The following BRI3 variants were observed in gnomAD, a reference collection of about 807,000 sequenced individuals.
BRI3 encodes brain protein I3, also known as membrane protein BRI3.
A neutral mutation model predicts 12.8 loss-of-function variants in BRI3; 6 were observed. The observed-to-expected ratio is 0.47, with a 90% CI of 0.26 to 0.93. The LOEUF (loss-of-function observed/expected upper bound fraction) is 0.93, where lower values mean the gene tolerates loss of function less well. Ranked by LOEUF, BRI3 falls within the 40% of genes least tolerant of loss-of-function variation. The pLI is 0.15. For missense variants in BRI3, 134 were observed against 171.1 expected (o/e 0.78, Z 1.21); for synonymous variants, 91 against 76.1 (o/e 1.20, Z -1.02).
At chr7:98,293,930 G>C, downstream of BRI3, 1 of 960,824 alleles carries the variant, frequency 1.0e-6, no homozygotes, top group Non-Finnish European at 1.6e-6. Flanking sequence ...AAAGCGAGCA[G>C]GGGGCTGCAC....
At chr7:98,306,676 A>G in intron 1 of BRI3, 1 of 1,011,650 alleles carries the variant, frequency 9.9e-7, no homozygotes, top group Non-Finnish European at 1.4e-6. Flanking sequence ...GTAAATATGG[A>G]CTTTCACATA....
At chr7:98,284,541 G>A (rs1330259278) in intron 2 of BRI3, among the ~76,000 whole-genome samples, 51 of 152,308 alleles carry the variant, frequency 3.3e-4, no homozygotes, top group Admixed American at 3.2e-3. Flanking sequence ...GCTGCCTGGC[G>A]TCTTGGCCCG....
upstream of BRI3, among the ~76,000 whole-genome samples, chr7:98,301,595 G>T (rs973160015): frequency 2.6e-5 from 4 of 152,028 alleles, no homozygotes; most frequent in African/African-American, 9.7e-5. Context: ...GGGATTACAG[G>T]CGTGAGCCAC....
At chr7:98,285,288 G>A (rs1334749363) in intron 2 of BRI3, among the ~76,000 whole-genome samples, 1 of 152,166 alleles carries the variant, frequency 6.6e-6, no homozygotes, top group Non-Finnish European at 1.5e-5. Flanking sequence ...TGGAGGGCAC[G>A]GGGTGGTGAC....
At chr7:98,293,307 A>G (rs1296708052), downstream of BRI3, 5 of 480,640 alleles carry the variant, frequency 1.0e-5, no homozygotes, top group Non-Finnish European at 1.9e-5. Flanking sequence ...TAAATGGCTG[A>G]GCTGGTCATT....
At chr7:98,305,058 T>TTTG (rs1800598323), upstream of BRI3, among the ~76,000 whole-genome samples, 1 of 145,794 alleles carries the variant, frequency 6.9e-6, no homozygotes, top group African/African-American at 2.6e-5. Flanking sequence ...TTTTTTTTTT[T>TTTG]TTTTTTTTTT....
chr7:98,290,193 T>G (rs1193993599), intron 2 of BRI3, among the ~76,000 whole-genome samples: 3 of 142,802 alleles, frequency 2.1e-5, no homozygotes, highest in African/African-American at 2.7e-5. Flanking sequence ...TTTTTTTTTT[T>G]TTTTTTTTTT....
chr7:98,285,300 G>T (rs1381475521), intron 2 of BRI3, among the ~76,000 whole-genome samples: 3 of 152,150 alleles, frequency 2.0e-5, no homozygotes, highest in South Asian at 4.1e-4. Flanking sequence ...GGTGGTGACT[G>T]TGGAGCCCGG....
At chr7:98,303,196 C>T (rs553016263), upstream of BRI3, among the ~76,000 whole-genome samples, 5 of 152,310 alleles carry the variant, frequency 3.3e-5, no homozygotes, top group South Asian at 2.1e-4. Context: ...AAGGCTCACG[C>T]GTAGGTCTGG....
downstream of BRI3, among the ~76,000 whole-genome samples, chr7:98,296,099 A>G (rs1406650250): frequency 2.0e-5 from 3 of 152,082 alleles, no homozygotes; most frequent in Admixed American, 6.6e-5. Context: ...TTCTGTGCAG[A>G]CAGCAGGTCA....
At chr7:98,308,001 A>G in exon 2 of BRI3, 2 of 1,099,140 alleles carry the variant, frequency 1.8e-6, no homozygotes, top group Non-Finnish European at 2.8e-6. Flanking sequence ...TCTTGCCAAC[A>G]ATGCTCCTTC....
At chr7:98,323,052 G>A in the BRI3 span, 7 of 152,186 alleles carry the variant, frequency 4.6e-5, no homozygotes, top group African/African-American at 1.7e-4. Context: ...TAAACACGGG[G>A]AGTAAAGACA....
downstream of BRI3, chr7:98,291,582 A>G (rs1584402259): frequency 9.5e-7 from 1 of 1,052,788 alleles, no homozygotes; most frequent in Non-Finnish European, 1.2e-6. Context: ...CTGGAACGAC[A>G]CCCCCATCGC....
chr7:98,316,023 G>A, the BRI3 span, among the ~76,000 whole-genome samples: 7 of 152,242 alleles, frequency 4.6e-5, no homozygotes, highest in South Asian at 4.2e-4. Flanking sequence ...TGTAGCTCCC[G>A]TAATTCCTAT....
chr7:98,315,463 T>C, the BRI3 span: 1 of 1,459,670 alleles, frequency 6.9e-7, no homozygotes, highest in African/African-American at 1.5e-5. Context: ...CACCCACCTG[T>C]AAGTGATAAT....
chr7:98,320,086 T>C, the BRI3 span: 11 of 1,613,786 alleles, frequency 6.8e-6, no homozygotes, highest in South Asian at 1.1e-5. Context: ...AAGTTCTATC[T>C]TCTTCTCCAG....
downstream of BRI3, chr7:98,292,449 C>T (rs966589476): frequency 5.3e-6 from 3 of 569,766 alleles, no homozygotes; most frequent in East Asian, 2.9e-5. Flanking sequence ...GCTGGGATTC[C>T]CGTACCTGGG....
downstream of BRI3, chr7:98,292,878 A>C: frequency 6.9e-7 from 1 of 1,441,356 alleles, no homozygotes; most frequent in Non-Finnish European, 9.1e-7. Context: ...CTCTCGGAGG[A>C]GATTTCGTCG....
At chr7:98,288,184 G>C (rs1799775671) in intron 2 of BRI3, among the ~76,000 whole-genome samples, 1 of 152,208 alleles carries the variant, frequency 6.6e-6, no homozygotes, top group Non-Finnish European at 1.5e-5. Flanking sequence ...AGGAAGAAAA[G>C]GGAAGAGGAA....
Sources: allele counts gnomAD v4.1 joint callset (sites outside exome capture counted in the v4.1 genomes callset), GRCh38; gene constraint gnomAD v4.1.1; transcripts MANE v1.5; gene names NCBI Gene and HGNC (gene_info 2026-07-23, HGNC 2026-07-21).